Variants in METTL5 observed in about 807,000 individuals in gnomAD.
The protein encoded by METTL5 is rRNA N(6)-adenosine-methyltransferase METTL5.
Under a neutral mutation model 26.5 loss-of-function variants are expected in METTL5, and 28 were observed. The ratio of observed to expected loss-of-function variants is 1.06; its 90% CI spans 0.78 to 1.45. METTL5 has a LOEUF of 1.45. Among genes scored for constraint, METTL5 ranks in the 40% most tolerant of loss-of-function variants. The pLI, the probability that METTL5 is intolerant of heterozygous loss-of-function variation, is 0.00. For synonymous variants in METTL5, 86 were observed against 82.6 expected (o/e 1.04, Z -0.22); for missense variants, 231 against 249.9 (o/e 0.92, Z 0.51).
chr2:169,821,162 T>C lies in METTL5; in HGVS notation c.336A>G (p.Leu112=), dbSNP rs2081578409. The change falls in exon 3 of 7, where the codon TTA becomes TTG. Residue 112 remains leucine (L), a synonymous_variant. Coordinates refer to ENST00000260953, the MANE Select transcript of METTL5 (RefSeq NM_014168.4). ...IDMVQCDVCL[L]SNRMSKSFDT... is the part of the protein sequence containing the mutation. ...CGAATGACTTGGACATTCTGTTAGA[T>C]AATAAGCACACATCACATTGAACCA... 6.2e-7 allele frequency: 1 copy of C among 1,612,536 alleles called. No homozygotes were observed. The highest frequency in any genetic ancestry group is 8.5e-7 in the Non-Finnish European group (1 of 1,179,368).
intron 4 of METTL5, among the ~76,000 whole-genome samples, chr2:169,818,862 C>T (rs2081544589): frequency 6.6e-6 from 1 of 152,162 alleles, no homozygotes; most frequent in African/African-American, 2.4e-5. Flanking sequence ...ACAATTGGTA[C>T]TCTCAGTCCC....
rs763867347 is a variant in METTL5, at chr2:169,821,961, G to A, written c.206C>T (p.Thr69Ile). The A allele has an allele frequency of 5.0e-6, 8 of 1,613,176 alleles. 1 individual carries two copies. Among genetic ancestry groups the A allele is most frequent in the Non-Finnish European group, 4.2e-6 (5 of 1,179,906 alleles). Residue 69 changes from threonine to isoleucine, a missense_variant, in exon 2 of 7, where the codon ACT becomes ATT. Transcript: ENST00000260953. ...GCGCGVLSIGTAMLGAGLCVG... is the reference protein window; with the variant it reads ...GCGCGVLSIGIAMLGAGLCVG... ...TACGTACCCTGCTCCTAACATTGCA[G>A]TTCCGATGCTAAGTACTCCACAACC...
intron 6 of METTL5, chr2:169,812,223 A>T: frequency 1.6e-6 from 1 of 638,130 alleles, no homozygotes; most frequent in Non-Finnish European, 2.6e-6. Flanking sequence ...AGAAATAATT[A>T]CTTGTCACAA....
intron 1 of METTL5, 108 bp downstream of exon 1, chr2:169,824,381 G>T: frequency 1.1e-6 from 1 of 895,258 alleles, no homozygotes; most frequent in Non-Finnish European, 1.8e-6. Context: ...TGATCTTAGG[G>T]CAGAATTTCT....
chr2:169,815,419 TTTGG>T, intron 5 of METTL5, 54 bp downstream of exon 5: 1 of 1,261,232 alleles, frequency 7.9e-7, no homozygotes, highest in Non-Finnish European at 1.1e-6. Context: ...GCATGAAAAT[TTTGG>T]TTGGGCGAAT....
intron 1 of METTL5, among the ~76,000 whole-genome samples, chr2:169,822,734 G>C (rs2081601799): frequency 6.6e-6 from 1 of 151,924 alleles, no homozygotes; most frequent in South Asian, 2.1e-4. Context: ...CCTAGCCACA[G>C]AACTTTGTTT....
chr2:169,821,722 T>C (rs1379725443), intron 2 of METTL5, among the ~76,000 whole-genome samples: 1 of 152,156 alleles, frequency 6.6e-6, no homozygotes, highest in Non-Finnish European at 1.5e-5. Flanking sequence ...CGGCAGGGGT[T>C]GGAAACTCAG....
intron 1 of METTL5, among the ~76,000 whole-genome samples, chr2:169,822,591 ATCTTTTTTTT>A (rs2081599967): frequency 6.6e-6 from 1 of 152,044 alleles, no homozygotes; most frequent in African/African-American, 2.4e-5. Flanking sequence ...AAGACATAGA[ATCTTTTTTTT>A]TCTTTTTTTT....
chr2:169,824,382 C>A, intron 1 of METTL5, 107 bp downstream of exon 1: 1 of 904,590 alleles, frequency 1.1e-6, no homozygotes, highest in South Asian at 1.5e-5. Context: ...GATCTTAGGG[C>A]AGAATTTCTC....
chr2:169,812,287 C>A, intron 6 of METTL5, 170 bp downstream of exon 6: 1 of 1,054,094 alleles, frequency 9.5e-7, no homozygotes, highest in Non-Finnish European at 1.4e-6. Context: ...ATCGCGCAGG[C>A]TGGAGTTCAG....
Position 169,814,864 on chromosome 2 carries a change from C to T in METTL5, c.541+613G>A, listed in dbSNP as rs566155422. ...TGCTGGGATTACAGGCGTGAGCTAC[C>T]GCGCCCGGCCCACTTTTTTTTTTCA... On this transcript the variant is annotated intron_variant, in intron 5 of 6. Transcript: ENST00000260953. Among the ~76,000 whole-genome samples the T allele has an allele frequency of 1.3e-4, 19 of 151,656 alleles. No individual in the cohort carries two copies. The East Asian group carries it at 1.9e-3, about 16-fold the overall frequency.
chr2:169,817,072 C>T (rs1180807658), intron 4 of METTL5, among the ~76,000 whole-genome samples: 1 of 151,860 alleles, frequency 6.6e-6, no homozygotes, highest in Non-Finnish European at 1.5e-5. Context: ...AATCTATAAA[C>T]AACTGAAACA....
rs1253355095 is a variant in METTL5, at chr2:169,814,598, G to A, written c.541+879C>T. The stretch of plus-strand genomic sequence containing the variant: ...CCACTTTTTTTTTTTTTTTTGAGAT[G>A]GAATCTCACTCTGTTGCTTAGGCTA... On this transcript the variant is annotated intron_variant, in intron 5 of 6. Transcript: ENST00000260953. Among the ~76,000 whole-genome samples, 4 of 145,430 alleles carry A rather than the reference G, an allele frequency of 2.8e-5. No individual in the cohort carries two copies. In the East Asian group the frequency reaches 6.0e-4, roughly 22 times the overall value.
At chr2:169,815,783 G>C (rs1313853879) in intron 4 of METTL5, among the ~76,000 whole-genome samples, 1 of 152,090 alleles carries the variant, frequency 6.6e-6, no homozygotes, top group Non-Finnish European at 1.5e-5. Context: ...TGCCATTTGG[G>C]GTTATCTAGG....
At chr2:169,814,277 A>C (rs1690072299) in intron 5 of METTL5, among the ~76,000 whole-genome samples, 2 of 151,972 alleles carry the variant, frequency 1.3e-5, no homozygotes, top group South Asian at 2.1e-4. Flanking sequence ...CACTGAGGTC[A>C]GGAGTTCAAG....
At chr2:169,822,548 AG>A (rs1180702288) in intron 1 of METTL5, among the ~76,000 whole-genome samples, 1 of 152,218 alleles carries the variant, frequency 6.6e-6, no homozygotes, top group Non-Finnish European at 1.5e-5. Flanking sequence ...CTATAAGACT[AG>A]GAACCACTAT....
At chr2:169,815,659 T>C in intron 4 of METTL5, 131 bp from the exon 5 acceptor site, 1 of 583,874 alleles carries the variant, frequency 1.7e-6, no homozygotes, top group Non-Finnish European at 2.9e-6. Flanking sequence ...TATAAAAATT[T>C]CAATTGAATG....
At chr2:169,812,165 G>A in intron 6 of METTL5, 2 of 551,990 alleles carry the variant, frequency 3.6e-6, no homozygotes, top group Non-Finnish European at 6.2e-6. Flanking sequence ...CATTTATGGT[G>A]TCTCCTAGGC....
At chr2:169,824,348 G>C in intron 1 of METTL5, 141 bp downstream of exon 1, 1 of 664,518 alleles carries the variant, frequency 1.5e-6, no homozygotes, top group South Asian at 1.7e-5. Context: ...CAGTGTCAAG[G>C]AAGGCCTCTC....
Sources: gnomAD v4.1 joint callset for allele counts (sites outside exome capture counted in the v4.1 genomes callset) on GRCh38, gnomAD v4.1.1 for gene constraint, MANE v1.5 for transcripts, NCBI Gene and HGNC (gene_info 2026-07-23, HGNC 2026-07-21) for gene names.